Variants in DPP10 observed in about 807,000 individuals in gnomAD.
DPP10 encodes the protein inactive dipeptidyl peptidase 10.
In DPP10, 33 loss-of-function variants were observed where a neutral mutation model predicts 120.9. That is an observed-to-expected ratio of 0.27 (90% CI 0.21 to 0.37). The LOEUF (loss-of-function observed/expected upper bound fraction) is 0.37, where lower values mean the gene tolerates loss of function less well. DPP10 is among the 10% of genes least tolerant of loss of function. The probability of loss-of-function intolerance (pLI) is 1.00; values close to 1 mark genes in which losing one functional copy is unlikely to be tolerated. For missense variants in DPP10, 816 were observed against 942.8 expected (o/e 0.87, Z 1.76); for synonymous variants, 337 against 326.1 (o/e 1.03, Z -0.36).
At chr2:115,556,925 G>A (rs1257812848) in intron 5 of DPP10, among the ~76,000 whole-genome samples, 11 of 152,022 alleles carry the variant, frequency 7.2e-5, no homozygotes, top group Admixed American at 7.2e-4. Flanking sequence ...AATTAGGTGA[G>A]GATAATAAGA....
chr2:115,590,833 TTTCCTGACTTTTTAATGATC>T (rs2082615049), intron 5 of DPP10, among the ~76,000 whole-genome samples: 1 of 152,170 alleles, frequency 6.6e-6, no homozygotes, highest in Non-Finnish European at 1.5e-5. Flanking sequence ...GCACCTGTTG[TTTCCTGACTTTTTAATGATC>T]GCCATTCTAA....
In DPP10 at chr2:115,746,411, A is replaced by G. The variant is rs781644084; in HGVS notation, c.950+228A>G. Reference sequence around the variant, plus strand: ...CACCATACAATGACTGAAGAGGCTGATACTGAGAATTAGGTCTTTTGCTGG... The same window carrying G: ...CACCATACAATGACTGAAGAGGCTGGTACTGAGAATTAGGTCTTTTGCTGG... On this transcript the variant is annotated intron_variant, in intron 10 of 25. Coordinates refer to ENST00000410059, the MANE Select transcript of DPP10 (RefSeq NM_020868.6). 3.9e-5 allele frequency among the ~76,000 whole-genome samples: 6 copies of G among 152,300 alleles called. No individual in the cohort carries two copies. The South Asian group carries it at 8.3e-4, about 21-fold the overall frequency.
intron 3 of DPP10, among the ~76,000 whole-genome samples, chr2:115,417,067 C>T (rs914859783): frequency 6.6e-6 from 1 of 152,042 alleles, no homozygotes; most frequent in Non-Finnish European, 1.5e-5. Flanking sequence ...TCATGCCTGG[C>T]ATATAAGACT....
intron 5 of DPP10, among the ~76,000 whole-genome samples, chr2:115,644,426 C>A (rs566740901): frequency 1.3e-5 from 2 of 151,872 alleles, no homozygotes; most frequent in South Asian, 4.2e-4. Flanking sequence ...GGTTTTTTGT[C>A]CTTGCGATAG....
In DPP10 at chr2:115,777,279, C is replaced by T. The variant is rs778024654; in HGVS notation, c.1293C>T (p.Tyr431=). The T allele has an allele frequency of 9.3e-6, 15 of 1,612,736 alleles. No individual in the cohort carries two copies. Among genetic ancestry groups the T allele is most frequent in the African/African-American group, 6.7e-5 (5 of 74,842 alleles). The change falls in exon 14 of 26, where the codon TAC becomes TAT. Residue 431 remains tyrosine, a synonymous_variant. Transcript: ENST00000410059. ...GGGAAGTGATAAAGATCTTGGCATA[C>T]GATGAAACTACTCAAAAAATGTGAG... ...GNWEVIKILA[Y]DETTQKIYFL...
At chr2:115,655,164 G>A (rs1203753121) in intron 5 of DPP10, among the ~76,000 whole-genome samples, 2 of 151,630 alleles carry the variant, frequency 1.3e-5, no homozygotes, top group East Asian at 3.9e-4. Context: ...TTATACCAAA[G>A]TATATATTGT....
At chr2:114,559,428 T>G (rs1263855133) in intron 1 of DPP10, among the ~76,000 whole-genome samples, 1 of 152,172 alleles carries the variant, frequency 6.6e-6, no homozygotes, top group Non-Finnish European at 1.5e-5. Flanking sequence ...CCAGAAGGAA[T>G]GAAATCTTAG....
chr2:115,567,216 A>T (rs1333901291), intron 5 of DPP10, among the ~76,000 whole-genome samples: 1 of 152,024 alleles, frequency 6.6e-6, no homozygotes, highest in African/African-American at 2.4e-5. Flanking sequence ...TTATATGTGA[A>T]ATATCAATAT....
At chr2:114,811,227 A>G (rs1219591938) in intron 1 of DPP10, among the ~76,000 whole-genome samples, 1 of 152,194 alleles carries the variant, frequency 6.6e-6, no homozygotes, top group Non-Finnish European at 1.5e-5. Context: ...GGGACAGGGG[A>G]CAGAAATTTT....
chr2:115,768,546 C>G, intron 13 of DPP10, 142 bp downstream of exon 13: 1 of 636,736 alleles, frequency 1.6e-6, no homozygotes, highest in Non-Finnish European at 2.7e-6. Flanking sequence ...AGGAAGAGGA[C>G]CTCCATCCAT....
chr2:115,781,356 C>A (rs1682744051), intron 16 of DPP10, among the ~76,000 whole-genome samples: 1 of 151,816 alleles, frequency 6.6e-6, no homozygotes, highest in Admixed American at 6.6e-5. Flanking sequence ...TAAAACAATG[C>A]TTTGGTTGTT....
chr2:114,888,304 C>G (rs1692248985), intron 1 of DPP10, among the ~76,000 whole-genome samples: 1 of 152,094 alleles, frequency 6.6e-6, no homozygotes, highest in Non-Finnish European at 1.5e-5. Context: ...TGTTGATTAA[C>G]TGATTCCTAT....
At chr2:115,117,845 C>T (rs539338456) in intron 1 of DPP10, among the ~76,000 whole-genome samples, 1 of 152,250 alleles carries the variant, frequency 6.6e-6, no homozygotes, top group South Asian at 2.1e-4. Context: ...CCCTCTCTTC[C>T]TTCTGGTCCT....
At chr2:115,572,956 T>G (rs1344202542) in intron 5 of DPP10, among the ~76,000 whole-genome samples, 3 of 152,198 alleles carry the variant, frequency 2.0e-5, no homozygotes, top group Admixed American at 6.5e-5. Context: ...CATAGCAGCA[T>G]GCAGAAGATA....
intron 3 of DPP10, among the ~76,000 whole-genome samples, chr2:115,407,145 G>A (rs112589295): frequency 0.09 from 13,633 of 151,964 alleles, 685 homozygotes; most frequent in Middle Eastern, 0.13. Flanking sequence ...GAAACAGGGC[G>A]AACTTCCTGA....
chr2:114,540,144 T>G (rs1164254625), intron 1 of DPP10, among the ~76,000 whole-genome samples: 1 of 152,212 alleles, frequency 6.6e-6, no homozygotes, highest in African/African-American at 2.4e-5. Context: ...TGGAGTGATA[T>G]TTTCCAAATA....
At chr2:114,572,249 T>C (rs942128630) in intron 1 of DPP10, among the ~76,000 whole-genome samples, 7 of 152,130 alleles carry the variant, frequency 4.6e-5, no homozygotes, top group African/African-American at 1.7e-4. Flanking sequence ...TGTGACTCTA[T>C]AGTTAAATAC....
intron 1 of DPP10, among the ~76,000 whole-genome samples, chr2:115,221,319 C>T (rs1308661605): frequency 6.6e-6 from 1 of 152,124 alleles, no homozygotes; most frequent in Admixed American, 6.6e-5. Context: ...TGGCTCACTT[C>T]ACTCATTTGT....
intron 1 of DPP10, among the ~76,000 whole-genome samples, chr2:115,243,012 A>T (rs551989546): frequency 6.9e-4 from 87 of 126,888 alleles, no homozygotes; most frequent in Non-Finnish European, 1.3e-3. Flanking sequence ...CAAATAAATT[A>T]TAGTGTTTTA....
Sources: gnomAD v4.1 joint callset for allele counts (sites outside exome capture counted in the v4.1 genomes callset) on GRCh38, gnomAD v4.1.1 for gene constraint, MANE v1.5 for transcripts, NCBI Gene and HGNC (gene_info 2026-07-23, HGNC 2026-07-21) for gene names.